Variants in TSHZ2 observed in about 807,000 individuals in gnomAD.
TSHZ2 encodes teashirt zinc finger homeobox 2, also known as teashirt homolog 2.
A neutral mutation model predicts 74.4 loss-of-function variants in TSHZ2; 21 were observed. The ratio of observed to expected loss-of-function variants is 0.28; its 90% CI spans 0.20 to 0.41. The LOEUF is 0.41. Among genes scored for constraint, TSHZ2 ranks in the 10% least tolerant of loss-of-function variants. TSHZ2 has a pLI of 1.00. For missense variants in TSHZ2, 1,244 were observed against 1,293.5 expected, an observed-to-expected ratio of 0.96 and a Z score of 0.59; for synonymous variants, 540 against 515.3, an observed-to-expected ratio of 1.05 and a Z score of -0.65.
At chr20:53,140,009 C>T (rs2080508724) in intron 1 of TSHZ2, among the ~76,000 whole-genome samples, 1 of 152,154 alleles carries the variant, frequency 6.6e-6, no homozygotes, top group Non-Finnish European at 1.5e-5. Flanking sequence ...TTTCTCAGTC[C>T]TTCATTAATT....
chr20:53,333,431 C>A (rs570966468), intron 2 of TSHZ2, among the ~76,000 whole-genome samples: 1 of 151,814 alleles, frequency 6.6e-6, no homozygotes, highest in South Asian at 2.1e-4. Flanking sequence ...CAGAGCACTC[C>A]TCCAGATCTC....
chr20:53,460,302 C>T (rs1269721148), intron 2 of TSHZ2, among the ~76,000 whole-genome samples: 8 of 151,844 alleles, frequency 5.3e-5, no homozygotes, highest in African/African-American at 1.9e-4. Flanking sequence ...TTCATTTCAT[C>T]TTCCATCGCT....
chr20:53,403,121 G>A (rs748435428), intron 2 of TSHZ2, among the ~76,000 whole-genome samples: 3 of 152,142 alleles, frequency 2.0e-5, no homozygotes. Context: ...TACATGCTCA[G>A]TGTTTAGCTC....
At chr20:53,367,049 A>G (rs1981287931) in intron 2 of TSHZ2, among the ~76,000 whole-genome samples, 1 of 152,178 alleles carries the variant, frequency 6.6e-6, no homozygotes, top group Non-Finnish European at 1.5e-5. Context: ...AGCCCTGCAT[A>G]GTGCCTCATT....
chr20:53,400,802 G>A (rs1442807772), intron 2 of TSHZ2, among the ~76,000 whole-genome samples: 3 of 152,074 alleles, frequency 2.0e-5, no homozygotes, highest in South Asian at 2.1e-4. Flanking sequence ...CTTGGGCATC[G>A]GGAAGTCCAG....
intron 1 of TSHZ2, among the ~76,000 whole-genome samples, chr20:53,227,142 C>T (rs2123658796): frequency 6.6e-6 from 1 of 151,824 alleles, no homozygotes; most frequent in South Asian, 2.1e-4. Flanking sequence ...AAAGAGAAAG[C>T]CAGCCTCTCG....
At chr20:53,001,230 G>GTGTATGTGTGTGTGTA (rs1555813622) in intron 1 of TSHZ2, among the ~76,000 whole-genome samples, 2 of 126,114 alleles carry the variant, frequency 1.6e-5, no homozygotes, top group Non-Finnish European at 3.5e-5. Context: ...GTGTGTGTGT[G>GTGTATGTGTGTGTGTA]TGTGTGTGTG....
chr20:53,414,496 A>G (rs1033435186), intron 2 of TSHZ2, among the ~76,000 whole-genome samples: 5 of 151,856 alleles, frequency 3.3e-5, no homozygotes, highest in East Asian at 1.9e-4. Flanking sequence ...TGGCACACAC[A>G]TGTAGTTCCA....
intron 2 of TSHZ2, among the ~76,000 whole-genome samples, chr20:53,417,560 G>A (rs1016238174): frequency 6.6e-6 from 1 of 152,130 alleles, no homozygotes; most frequent in Non-Finnish European, 1.5e-5. Flanking sequence ...GCCTCCCAAT[G>A]TGCTGGGATT....
At chr20:53,174,126 C>T (rs555621704) in intron 1 of TSHZ2, among the ~76,000 whole-genome samples, 1 of 152,212 alleles carries the variant, frequency 6.6e-6, no homozygotes, top group African/African-American at 2.4e-5. Flanking sequence ...TGTGTGTTGT[C>T]CTAGCTCTAA....
intron 2 of TSHZ2, among the ~76,000 whole-genome samples, chr20:53,321,941 G>A (rs916110518): frequency 2.6e-5 from 4 of 152,042 alleles, no homozygotes; most frequent in Admixed American, 6.6e-5. Flanking sequence ...CAAGAGGGCC[G>A]CCATCCCCTG....
At chr20:53,102,064 A>G (rs745505286) in intron 1 of TSHZ2, among the ~76,000 whole-genome samples, 4 of 152,126 alleles carry the variant, frequency 2.6e-5, no homozygotes, top group Admixed American at 6.6e-5. Context: ...AATTCTATTC[A>G]ATACTTAATG....
intron 1 of TSHZ2, among the ~76,000 whole-genome samples, chr20:53,150,019 T>C (rs1987637828): frequency 6.6e-6 from 1 of 152,350 alleles, no homozygotes; most frequent in South Asian, 2.1e-4. Flanking sequence ...TAAAAAGAAG[T>C]TAACACTTTC....
chr20:53,096,299 G>A (rs1309844535), intron 1 of TSHZ2, among the ~76,000 whole-genome samples: 5 of 152,024 alleles, frequency 3.3e-5, no homozygotes, highest in African/African-American at 9.7e-5. Flanking sequence ...GCACCACCAC[G>A]CCTGGCTAAT....
chr20:53,186,574 A>G (rs1988603723), intron 1 of TSHZ2, among the ~76,000 whole-genome samples: 1 of 152,208 alleles, frequency 6.6e-6, no homozygotes, highest in South Asian at 2.1e-4. Context: ...TCAGGTTGCC[A>G]TCCTCACCAC....
At chr20:53,099,717 C>T (rs1986161340) in intron 1 of TSHZ2, among the ~76,000 whole-genome samples, 1 of 152,134 alleles carries the variant, frequency 6.6e-6, no homozygotes, top group South Asian at 2.1e-4. Flanking sequence ...GAGGAAACCC[C>T]TTATAAAAAC....
intron 1 of TSHZ2, among the ~76,000 whole-genome samples, chr20:52,982,179 T>G (rs1338072180): frequency 6.6e-6 from 1 of 152,224 alleles, no homozygotes; most frequent in Non-Finnish European, 1.5e-5. Flanking sequence ...ATAATCCCTG[T>G]TTTACTGATG....
intron 2 of TSHZ2, among the ~76,000 whole-genome samples, chr20:53,285,801 A>G (rs1991153776): frequency 6.6e-6 from 1 of 152,136 alleles, no homozygotes; most frequent in South Asian, 2.1e-4. Context: ...CTGAGCCATT[A>G]GGGTTATATA....
intron 2 of TSHZ2, among the ~76,000 whole-genome samples, chr20:53,447,724 T>C (rs1984607143): frequency 6.6e-6 from 1 of 152,184 alleles, no homozygotes; most frequent in South Asian, 2.1e-4. Context: ...TCTCCCACTT[T>C]GGGTTTATCT....
Sources: allele counts gnomAD v4.1 joint callset (sites outside exome capture counted in the v4.1 genomes callset), GRCh38; gene constraint gnomAD v4.1.1; transcripts MANE v1.5; gene names NCBI Gene and HGNC (gene_info 2026-07-23, HGNC 2026-07-21).